The following DNAH6 variants were observed in gnomAD, a reference collection of about 807,000 sequenced individuals.
DNAH6 encodes the protein dynein axonemal heavy chain 6.
DNAH6 carries 340 observed loss-of-function variants against 491.4 expected under a neutral mutation model. That is an observed-to-expected ratio of 0.69 (90% CI 0.63 to 0.76). The LOEUF (loss-of-function observed/expected upper bound fraction) is 0.76, where lower values mean the gene tolerates loss of function less well. Ranked by LOEUF, DNAH6 falls within the 30% of genes least tolerant of loss-of-function variation. The probability of loss-of-function intolerance (pLI) is 0.00; values close to 1 mark genes in which losing one functional copy is unlikely to be tolerated. For missense variants in DNAH6, 4,443 were observed against 4,972.2 expected (o/e 0.89, Z 3.20); for synonymous variants, 1,603 against 1,686.1 (o/e 0.95, Z 1.21).
chr2:84,604,716 T>A (rs1468010090), intron 19 of DNAH6, among the ~76,000 whole-genome samples, 165 bp downstream of exon 19: 2 of 152,158 alleles, frequency 1.3e-5, no homozygotes, highest in African/African-American at 4.8e-5. Flanking sequence ...TGTTATCACC[T>A]CTAAAAATCT....
intron 48 of DNAH6, among the ~76,000 whole-genome samples, chr2:84,700,874 A>G (rs59378172): frequency 1.3e-5 from 2 of 152,200 alleles, no homozygotes; most frequent in East Asian, 1.9e-4. Context: ...TTCCGTGTGC[A>G]TGATACTGTG....
At chr2:84,589,325 T>G (rs938565389) in intron 16 of DNAH6, among the ~76,000 whole-genome samples, 1 of 152,206 alleles carries the variant, frequency 6.6e-6, no homozygotes, top group Admixed American at 6.5e-5. Context: ...TACGTTATGA[T>G]TCCATTAATA....
chr2:84,679,168 G>T (rs768541518), intron 41 of DNAH6, among the ~76,000 whole-genome samples: 2 of 152,246 alleles, frequency 1.3e-5, no homozygotes, highest in Middle Eastern at 3.4e-3. Context: ...AGTCTAAATA[G>T]TACATGTATA....
intron 11 of DNAH6, among the ~76,000 whole-genome samples, chr2:84,558,272 C>A (rs946295178): frequency 2.6e-5 from 4 of 151,706 alleles, no homozygotes; most frequent in Non-Finnish European, 5.9e-5. Flanking sequence ...CTAAAAAATA[C>A]AAAAAATTAG....
intron 2 of DNAH6, among the ~76,000 whole-genome samples, chr2:84,521,329 G>GT (rs1169566668): frequency 2.6e-5 from 4 of 151,312 alleles, no homozygotes; most frequent in East Asian, 1.9e-4. Context: ...TTGTTTGTGG[G>GT]TTTTTTTGTA....
intron 68 of DNAH6, among the ~76,000 whole-genome samples, chr2:84,793,225 C>T (rs17025553): frequency 5.9e-5 from 9 of 151,812 alleles, no homozygotes; most frequent in South Asian, 2.1e-4. Flanking sequence ...TACACACACA[C>T]GGGCGTGCAC....
At chr2:84,749,519 G>C (rs908450820) in intron 63 of DNAH6, among the ~76,000 whole-genome samples, 1 of 152,214 alleles carries the variant, frequency 6.6e-6, no homozygotes, top group Non-Finnish European at 1.5e-5. Flanking sequence ...CTGTGAAAGA[G>C]ATAGGATGTG....
intron 11 of DNAH6, among the ~76,000 whole-genome samples, chr2:84,563,509 CAT>C (rs1229954454): frequency 2.6e-5 from 4 of 151,936 alleles, no homozygotes; most frequent in Admixed American, 2.0e-4. Flanking sequence ...AGCATTTTTT[CAT>C]ATGTTTGCTG....
At chr2:84,661,467 T>C (rs1691503237) in intron 37 of DNAH6, among the ~76,000 whole-genome samples, 1 of 152,054 alleles carries the variant, frequency 6.6e-6, no homozygotes, top group Non-Finnish European at 1.5e-5. Context: ...ATGATTACAA[T>C]TAATAAGTAC....
Position 84,676,282 on chromosome 2 carries a change from C to T in DNAH6, c.6613-723C>T, listed in dbSNP as rs1022487712. 6.6e-5 allele frequency among the ~76,000 whole-genome samples: 10 copies of T among 152,346 alleles called. No individual in the cohort carries two copies. In the East Asian group the frequency reaches 1.2e-3, roughly 18 times the overall value. On this transcript the variant is annotated intron_variant, in intron 40 of 76. Coordinates refer to ENST00000389394, the MANE Select transcript of DNAH6 (RefSeq NM_001370.2). ...CCATGCTGTAAACAACTGCCCTTTT[C>T]GCAGTCTACTTGAGACCACACTTTC...
chr2:84,638,601 T>C (rs374699866), intron 31 of DNAH6, among the ~76,000 whole-genome samples: 102 of 152,330 alleles, frequency 6.7e-4, no homozygotes, highest in African/African-American at 2.2e-3. Flanking sequence ...AATATTCTTC[T>C]ATGTGAAATA....
At chr2:84,633,058 A>G (rs1374770320) in intron 29 of DNAH6, among the ~76,000 whole-genome samples, 3 of 152,212 alleles carry the variant, frequency 2.0e-5, no homozygotes, top group Non-Finnish European at 2.9e-5. Flanking sequence ...GTGGAAGTAT[A>G]GAATGTGTGG....
At position 84,624,941 on chromosome 2, in the gene DNAH6, G is replaced by C; in HGVS notation, c.4393G>C (p.Asp1465His). Residue 1465 changes from aspartate (D) to histidine (H), a missense_variant, in exon 29 of 77, where the codon GAC becomes CAC. Asp to His is a moderately conservative substitution (Grantham distance 81). Transcript: ENST00000389394. Reference sequence around the variant, plus strand: ...TTGCCTCATGGGAGCTTTGCAGCTTGACCTTGGGGGTGCACCAGCTGGTCC... The same window carrying C: ...TTGCCTCATGGGAGCTTTGCAGCTTCACCTTGGGGGTGCACCAGCTGGTCC... ...YLCLMGALQL[D>H]LGGAPAGPAG... 6.4e-7 allele frequency: 1 copy of C among 1,551,434 alleles called. No homozygotes were observed.
chr2:84,766,251 A>C (rs1465184854), intron 64 of DNAH6, among the ~76,000 whole-genome samples: 1 of 152,246 alleles, frequency 6.6e-6, no homozygotes, highest in Non-Finnish European at 1.5e-5. Context: ...TAACAAATGC[A>C]AGATTTTCAA....
chr2:84,734,626 C>T (rs2104992327), intron 62 of DNAH6, among the ~76,000 whole-genome samples: 1 of 152,196 alleles, frequency 6.6e-6, no homozygotes, highest in South Asian at 2.1e-4. Context: ...CATATGTGAC[C>T]TTTAGCTCAA....
intron 72 of DNAH6, among the ~76,000 whole-genome samples, chr2:84,808,762 T>C (rs1392879174): frequency 1.3e-5 from 2 of 152,242 alleles, no homozygotes; most frequent in African/African-American, 4.8e-5. Context: ...TTACAAATTC[T>C]CAGTCTCCTC....
intron 37 of DNAH6, among the ~76,000 whole-genome samples, chr2:84,665,788 A>T (rs1692060899): frequency 6.6e-6 from 1 of 152,164 alleles, no homozygotes; most frequent in Admixed American, 6.5e-5. Context: ...CCTGGCAGAG[A>T]CACACACAAA....
intron 46 of DNAH6, among the ~76,000 whole-genome samples, chr2:84,697,009 G>A (rs1035793310): frequency 2.6e-5 from 4 of 152,040 alleles, no homozygotes; most frequent in Admixed American, 1.3e-4. Flanking sequence ...AAAAATAAAT[G>A]TTAAAAATTG....
At chr2:84,651,031 A>G (rs1377880226) in intron 33 of DNAH6, among the ~76,000 whole-genome samples, 2 of 152,152 alleles carry the variant, frequency 1.3e-5, no homozygotes, top group African/African-American at 4.8e-5. Flanking sequence ...TCTGCTGTGT[A>G]GGGGTGGGAG....
Sources: allele counts gnomAD v4.1 joint callset (sites outside exome capture counted in the v4.1 genomes callset), GRCh38; gene constraint gnomAD v4.1.1; transcripts MANE v1.5; gene names NCBI Gene and HGNC (gene_info 2026-07-23, HGNC 2026-07-21).